SLC19A1: variants seen among roughly 807,000 people sequenced by gnomAD.
SLC19A1 encodes the protein solute carrier family 19 member 1.
Under a neutral mutation model 35.3 loss-of-function variants are expected in SLC19A1, and 37 were observed. That is an observed-to-expected ratio of 1.05 (90% CI 0.81 to 1.38). The LOEUF is 1.38. Among genes scored for constraint, SLC19A1 ranks in the 40% most tolerant of loss-of-function variants. The pLI is 0.00. For synonymous variants in SLC19A1, 460 were observed against 398.5 expected (o/e 1.15, Z -1.84); for missense variants, 831 against 826.9 (o/e 1.00, Z -0.06).
chr21:45,551,419 A>G (rs992111425), intron 1 of SLC19A1, among the ~76,000 whole-genome samples: 2 of 152,158 alleles, frequency 1.3e-5, no homozygotes, highest in African/African-American at 4.8e-5. Flanking sequence ...ATAATAAACC[A>G]TTTAATAATT....
At chr21:45,555,464 G>T (rs1214362465) in intron 1 of SLC19A1, among the ~76,000 whole-genome samples, 5 of 125,334 alleles carry the variant, frequency 4.0e-5, no homozygotes, top group Non-Finnish European at 8.5e-5. Context: ...GGGGGAGGTT[G>T]TGGGGGGAAG....
rs777883403 is a variant in SLC19A1 at position 45,505,780 on chromosome 21, C to G, written c.498-7168G>C. 2.4e-5 allele frequency: 31 copies of G among 1,293,052 alleles called. No individual in the cohort carries two copies. In the South Asian group the frequency reaches 2.8e-4, roughly 12 times the overall value. 80.1% of individuals were successfully genotyped at this position (1,293,052 alleles called of 1,614,324 possible). ...CCCTGAAACGGGCATTCCTTCCTTC[C>G]GCCCCTGCCCCCCGCCCTCCCCGCC... On this transcript the variant is annotated intron_variant, in intron 3 of 4. Transcript: ENST00000417954.
At position 45,530,579 on chromosome 21, in the gene SLC19A1, G is replaced by C. The variant is rs939262283; in HGVS notation, c.1151+191C>G. 6.6e-6 allele frequency among the ~76,000 whole-genome samples: 1 copy of C among 152,280 alleles called. No individual in the cohort carries two copies. Among genetic ancestry groups the C allele is most frequent in the East Asian group, 1.9e-4 (1 of 5,180 alleles). On this transcript the variant is annotated intron_variant, in intron 4 of 5. Coordinates refer to ENST00000311124, the MANE Select transcript of SLC19A1 (RefSeq NM_194255.4). The surrounding 1 kb of genome is among the most constrained non-coding windows in gnomAD (Gnocchi z 5.3). ...CGTGGAGGGCCTGGGGGAGCAGCAA[G>C]ACGGCACAGGAAGGGACGCCCGAGG...
At chr21:45,548,002 G>A (rs1288817929), upstream of SLC19A1, among the ~76,000 whole-genome samples, 1 of 152,200 alleles carries the variant, frequency 6.6e-6, no homozygotes, top group African/African-American at 2.4e-5. Flanking sequence ...GAATTGAGAT[G>A]GAAATGCAAA....
intron 1 of SLC19A1, among the ~76,000 whole-genome samples, chr21:45,559,184 T>A (rs1569034686): frequency 2.0e-5 from 3 of 152,184 alleles, no homozygotes. Flanking sequence ...AAGGAAAAGA[T>A]GAGTAGATGT....
chr21:45,546,203 T>TGAAGCCA (rs1442948553), upstream of SLC19A1, among the ~76,000 whole-genome samples: 2 of 152,250 alleles, frequency 1.3e-5, no homozygotes, highest in South Asian at 2.1e-4. Flanking sequence ...ACCTTGTCTG[T>TGAAGCCA]GAAGCCAGAA....
At chr21:45,525,381 C>A (rs1381090429) in intron 5 of SLC19A1, among the ~76,000 whole-genome samples, 1 of 152,256 alleles carries the variant, frequency 6.6e-6, no homozygotes, top group Non-Finnish European at 1.5e-5. Context: ...GCAGCAGAGG[C>A]CCGCGAGAGG....
At chr21:45,552,392 T>G (rs564255864) in intron 1 of SLC19A1, among the ~76,000 whole-genome samples, 35 of 152,162 alleles carry the variant, frequency 2.3e-4, no homozygotes, top group Middle Eastern at 6.8e-3. Flanking sequence ...CCACAGGCTG[T>G]GCCACCAGCA....
At position 45,512,567 on chromosome 21, in the gene SLC19A1, TA is replaced by T. The variant is rs2037674635; in HGVS notation, c.*3090del. The stretch of plus-strand genomic sequence containing the variant: ...AGAAATAAAAGGAAGCCAAAGAGTG[TA>T]TTTTTTTAAAAGTTTAAAACAGAAG... On this transcript the variant is annotated 3_prime_UTR_variant, in exon 6 of 6. Transcript: ENST00000311124. The T allele has an allele frequency of 7.3e-6, 5 of 682,830 alleles. No homozygotes were observed. The East Asian group carries it at 1.4e-4, about 19-fold the overall frequency. The allele number at this position is 682,830 out of a possible 1,614,324, so 42.3% of individuals were successfully genotyped here.
In SLC19A1 at chr21:45,505,916, G is replaced by A. The variant is rs944314178; in HGVS notation, c.498-7304C>T. ...CGAGGGCTGGCTCATCTTCGTGGCC[G>A]AGCAGGAGGAGCTCTACGTCCGCGT... is the stretch of plus-strand genomic sequence containing the variant. On this transcript the variant is annotated intron_variant, in intron 3 of 4. Coordinates refer to the SLC19A1 transcript ENST00000417954. 7.6e-5 allele frequency: 123 copies of A among 1,612,982 alleles called. No homozygotes were observed. The highest frequency in any genetic ancestry group is 4.2e-4 in the East Asian group (19 of 44,890).
intron 2 of SLC19A1, among the ~76,000 whole-genome samples, chr21:45,535,550 C>T (rs2078082138): frequency 6.6e-6 from 1 of 152,180 alleles, no homozygotes; most frequent in African/African-American, 2.4e-5. Context: ...AGACGGCCGG[C>T]GCTCAGCAGC....
downstream of SLC19A1, chr21:45,509,495 A>G: frequency 6.5e-7 from 1 of 1,528,504 alleles, no homozygotes; most frequent in Non-Finnish European, 8.8e-7. Context: ...CGCCTGCCCG[A>G]GCCCCAGCCC....
chr21:45,511,183 A>G, downstream of SLC19A1: 1 of 1,600,346 alleles, frequency 6.2e-7, no homozygotes, highest in Non-Finnish European at 8.5e-7. Flanking sequence ...CGGGGCACGC[A>G]TCTTCTCCTT....
At chr21:45,531,292 C>T in intron 3 of SLC19A1, 97 bp downstream of exon 3, 6 of 1,150,494 alleles carry the variant, frequency 5.2e-6, no homozygotes, top group African/African-American at 7.6e-5. Flanking sequence ...GGGCAGGGGG[C>T]GGGAGAGGGA....
downstream of SLC19A1, chr21:45,512,514 G>A (rs909236898): frequency 5.5e-6 from 5 of 910,230 alleles, no homozygotes; most frequent in Non-Finnish European, 3.4e-6. Flanking sequence ...ATACTTTCCT[G>A]TATAGTTCAC....
downstream of SLC19A1, among the ~76,000 whole-genome samples, chr21:45,509,824 A>G (rs534171515): frequency 1.3e-5 from 2 of 152,272 alleles, no homozygotes; most frequent in South Asian, 4.1e-4. Context: ...ATCCTTGAGG[A>G]ACCGGCGTAC....
intron 5 of SLC19A1, among the ~76,000 whole-genome samples, chr21:45,525,080 G>A (rs1170463471): frequency 1.3e-5 from 2 of 152,288 alleles, no homozygotes; most frequent in South Asian, 2.1e-4. Flanking sequence ...GCTATTGCCC[G>A]GGCCTTACCC....
In SLC19A1 at chr21:45,533,513, T is replaced by A. The variant is rs1460660291; in HGVS notation, c.190-1365A>T. Among the ~76,000 whole-genome samples the A allele has an allele frequency of 6.6e-6, 1 of 152,098 alleles. No individual in the cohort carries two copies. The highest frequency in any genetic ancestry group is 1.9e-4 in the East Asian group (1 of 5,176). On this transcript the variant is annotated intron_variant, in intron 2 of 5. Transcript: ENST00000311124. The surrounding 1 kb of genome is among the most constrained non-coding windows in gnomAD (Gnocchi z 4.5). The stretch of plus-strand genomic sequence containing the variant: ...CTGGGGACTGATGTGGGAGCCACCC[T>A]ATGCTTGGAGCCTCCCCTGGGGCCC...
chr21:45,503,439 T>C (rs970055144), intron 3 of SLC19A1, among the ~76,000 whole-genome samples: 1 of 152,120 alleles, frequency 6.6e-6, no homozygotes, highest in Non-Finnish European at 1.5e-5. Context: ...ATATACACCA[T>C]GGAATACTAC....
Sources: allele counts gnomAD v4.1 joint callset (sites outside exome capture counted in the v4.1 genomes callset), GRCh38; gene constraint gnomAD v4.1.1; non-coding constraint Gnocchi (gnomAD v3.1); transcripts MANE v1.5; gene names NCBI Gene and HGNC (gene_info 2026-07-23, HGNC 2026-07-21).